Variants in PALM2AKAP2 observed in about 807,000 individuals in gnomAD.
PALM2AKAP2 encodes PALM2-AKAP2 fusion protein.
A neutral mutation model predicts 71.5 loss-of-function variants in PALM2AKAP2; 37 were observed. The observed-to-expected ratio is 0.52, with a 90% CI of 0.40 to 0.68. The LOEUF (loss-of-function observed/expected upper bound fraction) is 0.68. PALM2AKAP2 is among the 30% of genes least tolerant of loss of function. The probability of loss-of-function intolerance (pLI) is 0.00; values close to 1 mark genes in which losing one functional copy is unlikely to be tolerated. For synonymous variants in PALM2AKAP2, 468 were observed against 478.8 expected (o/e 0.98, Z 0.29); for missense variants, 1,224 against 1,191.8 (o/e 1.03, Z -0.40).
intron 3 of PALM2AKAP2, among the ~76,000 whole-genome samples, chr9:110,163,792 T>G (rs1836664231): frequency 6.6e-6 from 1 of 152,340 alleles, no homozygotes; most frequent in South Asian, 2.1e-4. Context: ...GTTATGGAAA[T>G]GTAGACTATT....
chr9:109,855,190 A>G (rs780994471), intron 1 of PALM2AKAP2, among the ~76,000 whole-genome samples: 3 of 152,060 alleles, frequency 2.0e-5, no homozygotes, highest in African/African-American at 4.8e-5. Context: ...CTTCCATTTC[A>G]GCCTCCTGAG....
At chr9:109,877,747 T>C (rs547678282) in intron 2 of PALM2AKAP2, among the ~76,000 whole-genome samples, 2 of 152,316 alleles carry the variant, frequency 1.3e-5, no homozygotes, top group South Asian at 4.1e-4. Context: ...CGAAGGAGCC[T>C]GTCCAAGCTC....
At chr9:110,009,120 A>C (rs567298449) in intron 6 of PALM2AKAP2, among the ~76,000 whole-genome samples, 5 of 152,156 alleles carry the variant, frequency 3.3e-5, no homozygotes, top group Admixed American at 6.5e-5. Context: ...ACTCTCTTGC[A>C]CATTCGGGTC....
intron 6 of PALM2AKAP2, among the ~76,000 whole-genome samples, chr9:109,948,924 C>T (rs1831572363): frequency 6.6e-6 from 1 of 152,188 alleles, no homozygotes; most frequent in African/African-American, 2.4e-5. Flanking sequence ...TTTGCCTTAG[C>T]ATCACTGTTT....
Position 110,069,823 on chromosome 9 carries a change from C to T in PALM2AKAP2, c.156+20968C>T, listed in dbSNP as rs7023058. On this transcript the variant is annotated intron_variant, in intron 1 of 3. Coordinates refer to ENST00000374525, the Ensembl canonical transcript of PALM2AKAP2. ...GTGGTCAGTCACATGCACCGGCTTC[C>T]GCCTGGTATGATTTATCAGCAGTGA... is the stretch of plus-strand genomic sequence containing the variant. 4.8e-3 allele frequency among the ~76,000 whole-genome samples: 733 copies of T among 152,300 alleles called. 3 individuals are homozygous for T. Among genetic ancestry groups the T allele is most frequent in the African/African-American group, 0.016 (684 of 41,550 alleles).
intron 1 of PALM2AKAP2, among the ~76,000 whole-genome samples, chr9:110,094,010 C>T (rs966942700): frequency 3.9e-5 from 6 of 152,144 alleles, no homozygotes; most frequent in African/African-American, 9.7e-5. Flanking sequence ...GACAGGTGAG[C>T]GCTACTAGTT....
At chr9:109,723,454 A>G (rs1402703801) in intron 1 of PALM2AKAP2, among the ~76,000 whole-genome samples, 2 of 152,176 alleles carry the variant, frequency 1.3e-5, no homozygotes, top group Admixed American at 6.5e-5. Context: ...CCGAGACCCC[A>G]TTCCTGCTGA....
At chr9:109,754,346 A>G (rs1828927492) in intron 1 of PALM2AKAP2, among the ~76,000 whole-genome samples, 1 of 152,180 alleles carries the variant, frequency 6.6e-6, no homozygotes, top group Non-Finnish European at 1.5e-5. Flanking sequence ...TGAGAACTAG[A>G]AGTAATTTTA....
chr9:110,147,536 A>G (rs1170695240), intron 2 of PALM2AKAP2, among the ~76,000 whole-genome samples: 1 of 152,114 alleles, frequency 6.6e-6, no homozygotes, highest in Non-Finnish European at 1.5e-5. Context: ...TTGTTTTAAG[A>G]AAAAGCTTAG....
intron 1 of PALM2AKAP2, among the ~76,000 whole-genome samples, chr9:109,829,206 A>G (rs1224276575): frequency 6.6e-6 from 1 of 152,184 alleles, no homozygotes; most frequent in African/African-American, 2.4e-5. Flanking sequence ...TGAGACGCTC[A>G]CCTCACTTCT....
In PALM2AKAP2 at chr9:110,068,179, G is replaced by A. The variant is rs368231912; in HGVS notation, c.156+19324G>A. Among the ~76,000 whole-genome samples, 66 of 144,504 alleles carry A rather than the reference G, an allele frequency of 4.6e-4. 4 individuals are homozygous for A. Among genetic ancestry groups the A allele is most frequent in the African/African-American group, 1.3e-3 (47 of 36,790 alleles). 94.8% of individuals were successfully genotyped at this position (144,504 alleles called of 152,430 possible). ...GAACATGGAATGTGTAATCCTTTTG[G>A]GATTTGTATCTTAGTTAAGTAAACT... is the stretch of plus-strand genomic sequence containing the variant. On this transcript the variant is annotated intron_variant, in intron 1 of 3. Transcript: ENST00000374525.
chr9:110,086,171 G>A (rs1244631344), intron 1 of PALM2AKAP2, among the ~76,000 whole-genome samples: 2 of 151,822 alleles, frequency 1.3e-5, no homozygotes, highest in Non-Finnish European at 2.9e-5. Flanking sequence ...AGAAGTGGGA[G>A]GGTGTGGGGC....
intron 6 of PALM2AKAP2, among the ~76,000 whole-genome samples, chr9:109,935,288 T>G (rs1488806839): frequency 6.6e-6 from 1 of 152,228 alleles, no homozygotes; most frequent in Non-Finnish European, 1.5e-5. Context: ...CTTTTATTAT[T>G]TTTTATCATC....
At chr9:109,818,442 TA>T (rs1827905538) in intron 1 of PALM2AKAP2, among the ~76,000 whole-genome samples, 1 of 152,236 alleles carries the variant, frequency 6.6e-6, no homozygotes, top group Non-Finnish European at 1.5e-5. Flanking sequence ...AATTTCTATT[TA>T]TTTTTAACTG....
At chr9:110,121,918 G>A (rs1835494683) in intron 1 of PALM2AKAP2, among the ~76,000 whole-genome samples, 1 of 152,182 alleles carries the variant, frequency 6.6e-6, no homozygotes, top group Non-Finnish European at 1.5e-5. Context: ...AACTTACAGA[G>A]ATTAGGAGAA....
At chr9:110,076,052 T>A (rs1027794580) in intron 1 of PALM2AKAP2, among the ~76,000 whole-genome samples, 1 of 152,080 alleles carries the variant, frequency 6.6e-6, no homozygotes, top group Non-Finnish European at 1.5e-5. Flanking sequence ...ATTTGCCAGT[T>A]TTTGCAAAGT....
At chr9:109,802,750 G>A (rs1244078612) in intron 1 of PALM2AKAP2, among the ~76,000 whole-genome samples, 1 of 152,214 alleles carries the variant, frequency 6.6e-6, no homozygotes, top group East Asian at 1.9e-4. Flanking sequence ...ACACCTAGGT[G>A]CAAAGAAAGC....
At chr9:109,682,282 CTTCTCAGAATATATTCTGTTTTGGTGT>C (rs1454140296) in intron 1 of PALM2AKAP2, among the ~76,000 whole-genome samples, 1 of 152,162 alleles carries the variant, frequency 6.6e-6, no homozygotes, top group Non-Finnish European at 1.5e-5. Flanking sequence ...AATGGAACTG[CTTCTCAGAATATATTCTGTTTTGGTGT>C]TTCTGGATCA....
intron 2 of PALM2AKAP2, among the ~76,000 whole-genome samples, chr9:110,155,398 T>G (rs958659974): frequency 6.6e-6 from 1 of 152,196 alleles, no homozygotes; most frequent in Non-Finnish European, 1.5e-5. Flanking sequence ...CAGAAGTGCA[T>G]TTGGGGCTCT....
Sources: gnomAD v4.1 joint callset for allele counts (sites outside exome capture counted in the v4.1 genomes callset) on GRCh38, gnomAD v4.1.1 for gene constraint, MANE v1.5 for transcripts, NCBI Gene and HGNC (gene_info 2026-07-23, HGNC 2026-07-21) for gene names.